The following FRAS1 variants were observed in gnomAD, a reference collection of about 807,000 sequenced individuals.
FRAS1 encodes extracellular matrix organizing protein FRAS1.
FRAS1 carries 290 observed loss-of-function variants against 435.2 expected under a neutral mutation model. The ratio of observed to expected loss-of-function variants is 0.67; its 90% CI spans 0.61 to 0.73. The LOEUF (loss-of-function observed/expected upper bound fraction) is 0.73. Among genes scored for constraint, FRAS1 ranks in the 30% least tolerant of loss-of-function variants. FRAS1 has a pLI of 0.00. For missense variants in FRAS1, 4,860 were observed against 5,001.5 expected (o/e 0.97, Z 0.85); for synonymous variants, 1,800 against 1,851.0 (o/e 0.97, Z 0.71).
intron 3 of FRAS1, 52 bp from the exon 4 acceptor site, chr4:78,245,181 G>T: frequency 8.0e-7 from 1 of 1,246,088 alleles, no homozygotes; most frequent in South Asian, 1.3e-5. Context: ...GAACTATTGT[G>T]ACTTGGTGTG....
chr4:78,181,719 C>A (rs1722010723), intron 2 of FRAS1: 1 of 1,610,704 alleles, frequency 6.2e-7, no homozygotes, highest in Admixed American at 1.7e-5. Context: ...GGTCTTCTTC[C>A]AACTCGTCTT....
intron 2 of FRAS1, 73 bp from the exon 3 acceptor site, chr4:78,237,437 T>C (rs1724807118): frequency 9.9e-7 from 1 of 1,011,182 alleles, no homozygotes; most frequent in Non-Finnish European, 1.6e-6. Flanking sequence ...TGTGGGACTA[T>C]TGATGGTGCA....
At chr4:78,239,639 C>T (rs1279786561) in intron 3 of FRAS1, among the ~76,000 whole-genome samples, 1 of 152,090 alleles carries the variant, frequency 6.6e-6, no homozygotes, top group East Asian at 1.9e-4. Context: ...AATTAATATT[C>T]TACTGTTTTC....
At chr4:78,209,129 A>G (rs1462888198) in intron 2 of FRAS1, among the ~76,000 whole-genome samples, 2 of 152,052 alleles carry the variant, frequency 1.3e-5, no homozygotes, top group African/African-American at 4.8e-5. Flanking sequence ...TGGGCAGCAG[A>G]GCAAGACCCC....
intron 14 of FRAS1, among the ~76,000 whole-genome samples, chr4:78,302,083 C>A (rs972516975): frequency 2.0e-5 from 3 of 151,406 alleles, no homozygotes; most frequent in African/African-American, 7.3e-5. Flanking sequence ...CAATTCCCAC[C>A]TATGAGTGAG....
chr4:78,416,631 G>A (rs762426496), intron 32 of FRAS1, among the ~76,000 whole-genome samples: 6 of 152,142 alleles, frequency 3.9e-5, no homozygotes, highest in Non-Finnish European at 5.9e-5. Flanking sequence ...AGGGTGTGCT[G>A]GAGCAGAGTG....
At chr4:78,118,672 AC>A (rs1308793347) in intron 2 of FRAS1, among the ~76,000 whole-genome samples, 1 of 151,638 alleles carries the variant, frequency 6.6e-6, no homozygotes, top group East Asian at 1.9e-4. Context: ...TTGGAAAAGC[AC>A]AGTATCAGGG....
At chr4:78,303,757 T>A (rs1434730133) in intron 14 of FRAS1, among the ~76,000 whole-genome samples, 1 of 152,092 alleles carries the variant, frequency 6.6e-6, no homozygotes, top group Non-Finnish European at 1.5e-5. Flanking sequence ...GATTTTGGGC[T>A]GAGACAGTGG....
intron 14 of FRAS1, among the ~76,000 whole-genome samples, chr4:78,301,916 C>A (rs1205296513): frequency 3.8e-5 from 5 of 132,176 alleles, no homozygotes; most frequent in African/African-American, 1.4e-4. Flanking sequence ...TGGTTAGTTA[C>A]ATACGTATAC....
In FRAS1 at chr4:78,452,272, C is replaced by G. The variant is rs776374326; in HGVS notation, c.6681C>G (p.Asp2227Glu). The change falls in exon 47 of 74, where the codon GAC becomes GAG. Residue 2227 changes from aspartate (D) to glutamate (E), a missense_variant. Physicochemically the swap from Asp to Glu is conservative, Grantham distance 45. Coordinates refer to ENST00000512123, the MANE Select transcript of FRAS1 (RefSeq NM_025074.7). ...CCACCCTGCAGCTGTCTGCCACTGA[C>G]CAGGACAGTGGGCCTACAGAATTGA... ...KITTLQLSAT[D>E]QDSGPTELIY... 3.1e-6 allele frequency: 5 copies of G among 1,613,786 alleles called. No homozygotes were observed. The East Asian group carries it at 8.9e-5, about 29-fold the overall frequency.
chr4:78,118,761 C>T (rs775468101), intron 2 of FRAS1, among the ~76,000 whole-genome samples: 284 of 152,168 alleles, frequency 1.9e-3, no homozygotes, highest in Non-Finnish European at 3.3e-3. Context: ...GACCCCTTGC[C>T]CTTCCCGGGT....
intron 2 of FRAS1, among the ~76,000 whole-genome samples, chr4:78,220,805 T>C (rs1724019456): frequency 6.6e-6 from 1 of 152,222 alleles, no homozygotes; most frequent in South Asian, 2.1e-4. Context: ...TTCTTATCAA[T>C]GTTACTATGA....
chr4:78,270,544 C>T (rs1578218145), intron 9 of FRAS1, among the ~76,000 whole-genome samples: 2 of 126,854 alleles, frequency 1.6e-5, no homozygotes, highest in Non-Finnish European at 3.2e-5. Flanking sequence ...CCCCCGCCAC[C>T]CCGCCCCCCC....
intron 55 of FRAS1, among the ~76,000 whole-genome samples, chr4:78,478,425 T>G (rs1402364326): frequency 6.6e-6 from 1 of 152,258 alleles, no homozygotes; most frequent in African/African-American, 2.4e-5. Flanking sequence ...AAGGACTGGC[T>G]TTCCATCTTA....
intron 14 of FRAS1, among the ~76,000 whole-genome samples, chr4:78,307,514 G>T (rs2110218731): frequency 6.6e-6 from 1 of 152,344 alleles, no homozygotes; most frequent in East Asian, 1.9e-4. Flanking sequence ...GAGACTCCGT[G>T]GGCGTAGGAC....
chr4:78,306,219 G>A (rs60748518), intron 14 of FRAS1, among the ~76,000 whole-genome samples: 5 of 151,528 alleles, frequency 3.3e-5, no homozygotes, highest in Non-Finnish European at 7.4e-5. Flanking sequence ...GTAGAGTTTC[G>A]GCCAAGAGAT....
At chr4:78,294,779 A>G (rs1227786404) in intron 14 of FRAS1, among the ~76,000 whole-genome samples, 3 of 152,244 alleles carry the variant, frequency 2.0e-5, no homozygotes, top group Non-Finnish European at 4.4e-5. Context: ...GAAAAGGACT[A>G]TAGCTTTCCT....
chr4:78,480,444 G>A (rs920259058), intron 56 of FRAS1, among the ~76,000 whole-genome samples: 2 of 152,242 alleles, frequency 1.3e-5, no homozygotes, highest in Non-Finnish European at 2.9e-5. Context: ...AGGCAGGGCT[G>A]TGGCATAGAG....
chr4:78,096,600 G>A lies in FRAS1; in HGVS notation c.108+30584G>A, dbSNP rs184965943. Among the ~76,000 whole-genome samples, 197 of 152,326 alleles carry A rather than the reference G, an allele frequency of 1.3e-3. 1 individual carries two copies. Among genetic ancestry groups the A allele is most frequent in the Non-Finnish European group, 2.5e-3 (167 of 68,028 alleles). On this transcript the variant is annotated intron_variant, in intron 2 of 73. Coordinates refer to ENST00000512123, the MANE Select transcript of FRAS1 (RefSeq NM_025074.7). ...CTCAGTTCTTGAGTTCTGTGCACCC[G>A]CAGGCTCAAAACCATGTGAAAGCTG...
Sources: allele counts gnomAD v4.1 joint callset (sites outside exome capture counted in the v4.1 genomes callset), GRCh38; gene constraint gnomAD v4.1.1; transcripts MANE v1.5; gene names NCBI Gene and HGNC (gene_info 2026-07-23, HGNC 2026-07-21).